Variants in TGM2 observed in about 807,000 individuals in gnomAD.
The protein encoded by TGM2 is transglutaminase 2.
A neutral mutation model predicts 75.6 loss-of-function variants in TGM2; 53 were observed. The ratio of observed to expected loss-of-function variants is 0.70; its 90% CI spans 0.56 to 0.88. The LOEUF (loss-of-function observed/expected upper bound fraction) is 0.88. TGM2 is among the 40% of genes least tolerant of loss of function. The probability of loss-of-function intolerance (pLI) is 0.00; values close to 1 mark genes in which losing one functional copy is unlikely to be tolerated. For synonymous variants in TGM2, 374 were observed against 381.1 expected, an observed-to-expected ratio of 0.98 and a Z score of 0.22; for missense variants, 842 against 928.5, an observed-to-expected ratio of 0.91 and a Z score of 1.21.
At chr20:38,143,347 A>T (rs1242687546) in intron 6 of TGM2, among the ~76,000 whole-genome samples, 2 of 152,174 alleles carry the variant, frequency 1.3e-5, no homozygotes, top group Non-Finnish European at 2.9e-5. Context: ...TAGTGATGCC[A>T]CTGAGGACTC....
chr20:38,163,911 C>T (rs537966438), intron 1 of TGM2, among the ~76,000 whole-genome samples: 9 of 152,248 alleles, frequency 5.9e-5, no homozygotes, highest in East Asian at 5.8e-4. Flanking sequence ...ATCTGTTGTC[C>T]GAAGAAGGGT....
At chr20:38,141,807 C>T (rs1423347305) in intron 7 of TGM2, among the ~76,000 whole-genome samples, 2 of 151,498 alleles carry the variant, frequency 1.3e-5, no homozygotes, top group Non-Finnish European at 2.9e-5. Flanking sequence ...GAGTGACAAC[C>T]TATTGCTTTT....
chr20:38,149,678 C>CAAAAAAAAAAAAAAAAAAAA lies in TGM2; in HGVS notation c.552+1241_552+1260dup, dbSNP rs1199376180. On this transcript the variant is annotated intron_variant, in intron 4 of 12. Coordinates refer to ENST00000361475, the MANE Select transcript of TGM2 (RefSeq NM_004613.4). ...TGGGCAACAGAGCGAGACTCCGCCTCAAAAAAAAAAAAAAAAAAAAAAACA... is the reference window on the plus strand; with the variant it reads ...TGGGCAACAGAGCGAGACTCCGCCTCAAAAAAAAAAAAAAAAAAAAAAAAAAAAAAAAAAAAAAAAAAACA... 8.9e-4 allele frequency among the ~76,000 whole-genome samples: 36 copies of CAAAAAAAAAAAAAAAAAAAA among 40,438 alleles called. 1 individual carries two copies. Among genetic ancestry groups the CAAAAAAAAAAAAAAAAAAAA allele is most frequent in the East Asian group, 1.7e-3 (2 of 1,198 alleles). The allele number at this position is 40,438 out of a possible 152,430, so 26.5% of individuals were successfully genotyped here. A position where few individuals can be genotyped will look rare whatever the true frequency, so the allele number is the denominator to read the frequency against.
chr20:38,130,386 G>T lies in TGM2; in HGVS notation c.1914-17C>A. On this transcript the variant is annotated splice_polypyrimidine_tract_variant and intron_variant, in intron 12 of 12. Transcript: ENST00000361475. ...GGGTCTGGGCTGCAGGGAGAGAGGGGGTGGTGAGGAAAGGGGCCCAAGGCC... is the reference window on the plus strand; with the variant it reads ...GGGTCTGGGCTGCAGGGAGAGAGGGTGTGGTGAGGAAAGGGGCCCAAGGCC... 1 of 1,575,630 alleles carries T rather than the reference G, an allele frequency of 6.3e-7. No individual in the cohort carries two copies. The highest frequency in any genetic ancestry group is 8.6e-7 in the Non-Finnish European group (1 of 1,160,420).
intron 6 of TGM2, among the ~76,000 whole-genome samples, chr20:38,142,937 G>C (rs1482767642): frequency 1.3e-5 from 2 of 152,244 alleles, no homozygotes; most frequent in Admixed American, 1.3e-4. Flanking sequence ...TGCCTGGAAG[G>C]CTGCCTGCCA....
chr20:38,132,481 G>A lies in TGM2; in HGVS notation c.1635C>T (p.Cys545=), dbSNP rs2074846656. ...AGTCACGGTATTTCTCATAGAGGAT[G>A]CAAAGAGGAACGCTCTTCTCTGCAG... The part of the protein sequence containing the change: ...EPFSEKSVPL[C]ILYEKYRDCL... Residue 545 remains cysteine (C), a synonymous_variant, in exon 11 of 13, where the codon TGC becomes TGT. Transcript: ENST00000361475. 1 of 1,614,180 alleles carries A rather than the reference G, an allele frequency of 6.2e-7. No homozygotes were observed. Among genetic ancestry groups the A allele is most frequent in the South Asian group, 1.1e-5 (1 of 91,080 alleles).
intron 3 of TGM2, 149 bp downstream of exon 3, chr20:38,155,697 GT>G: frequency 1.6e-6 from 2 of 1,271,150 alleles, no homozygotes; most frequent in Non-Finnish European, 2.1e-6. Flanking sequence ...TGTCTTGAGG[GT>G]TTTGTGAGGC....
Position 38,161,538 on chromosome 20 carries a change from G to C in TGM2, c.72C>G (p.Ala24=), listed in dbSNP as rs751982579. The C allele has an allele frequency of 1.4e-5, 22 of 1,614,040 alleles. No individual in the cohort carries two copies. In the African/African-American group the frequency reaches 2.4e-4, roughly 18 times the overall value. Residue 24 remains alanine (A), a synonymous_variant, in exon 2 of 13, where the codon GCC becomes GCG. Transcript: ENST00000361475. ...LETNGRDHHT[A]DLCREKLVVR... ...CCACCAGCTTCTCCCGGCACAGGTC[G>C]GCCGTGTGGTGGTCTCGGCCATTGG...
rs779205370 is a variant in TGM2, at chr20:38,165,242, T to TC, written c.-45dup. On this transcript the variant is annotated 5_prime_UTR_variant, in exon 1 of 13. Coordinates refer to ENST00000361475, the MANE Select transcript of TGM2 (RefSeq NM_004613.4). ...GCTCCTTCCACTGGCGGCGAGACCC[T>TC]CCAAGTGCGACCACTGGCGGCTGGC... 6 of 1,611,392 alleles carry TC rather than the reference T, an allele frequency of 3.7e-6. No homozygotes were observed. The South Asian group carries it at 5.5e-5, about 15-fold the overall frequency.
chr20:38,140,130 C>T (rs2074952945), intron 8 of TGM2, among the ~76,000 whole-genome samples: 1 of 152,244 alleles, frequency 6.6e-6, no homozygotes, highest in Admixed American at 6.5e-5. Flanking sequence ...GAGTGGAGCT[C>T]AGTGCCCCGC....
At chr20:38,163,222 A>C (rs1161984166) in intron 1 of TGM2, among the ~76,000 whole-genome samples, 1 of 150,338 alleles carries the variant, frequency 6.7e-6, no homozygotes, top group Non-Finnish European at 1.5e-5. Flanking sequence ...AGGATGGGGA[A>C]GCCCTTAAGG....
intron 10 of TGM2, chr20:38,132,914 T>G: frequency 2.2e-6 from 1 of 453,802 alleles, no homozygotes; most frequent in Non-Finnish European, 4.4e-6. Context: ...CCGCGGGCCC[T>G]TCATCCTGGG....
upstream of TGM2, chr20:38,165,451 C>T (rs2075302454): frequency 1.7e-6 from 1 of 573,080 alleles, no homozygotes; most frequent in Non-Finnish European, 3.1e-6. Flanking sequence ...GACGAGGGCG[C>T]CCCCTGGGGG....
intron 2 of TGM2, among the ~76,000 whole-genome samples, chr20:38,158,243 A>C (rs1456718553): frequency 6.6e-6 from 1 of 152,228 alleles, no homozygotes; most frequent in East Asian, 1.9e-4. Context: ...CCATGCACAC[A>C]CACTCACACA....
intron 10 of TGM2, among the ~76,000 whole-genome samples, chr20:38,137,653 C>G (rs1293703931): frequency 6.6e-6 from 1 of 152,018 alleles, no homozygotes; most frequent in Non-Finnish European, 1.5e-5. Context: ...TTCTTTGAGG[C>G]CGAGAGCAAC....
intron 6 of TGM2, among the ~76,000 whole-genome samples, chr20:38,143,010 T>C (rs1323420279): frequency 6.6e-6 from 1 of 152,252 alleles, no homozygotes; most frequent in East Asian, 1.9e-4. Context: ...CCTTCCAGTG[T>C]ACAGGCATGT....
chr20:38,163,711 G>C (rs573880932), intron 1 of TGM2, among the ~76,000 whole-genome samples: 1 of 152,300 alleles, frequency 6.6e-6, no homozygotes, highest in East Asian at 1.9e-4. Flanking sequence ...GTCGGTCCCC[G>C]TGTAATCACA....
At chr20:38,132,671 G>A (rs771613273) in intron 10 of TGM2, 171 bp from the exon 11 acceptor site, 1 of 891,548 alleles carries the variant, frequency 1.1e-6, no homozygotes, top group South Asian at 1.4e-5. Flanking sequence ...TCCCAGCGAG[G>A]AGCTGGAGAG....
At chr20:38,157,172 C>T (rs1769619033) in intron 2 of TGM2, among the ~76,000 whole-genome samples, 1 of 152,224 alleles carries the variant, frequency 6.6e-6, no homozygotes, top group African/African-American at 2.4e-5. Flanking sequence ...TGCCCACCCA[C>T]CGTGGACATT....
Sources: allele counts gnomAD v4.1 joint callset (sites outside exome capture counted in the v4.1 genomes callset), GRCh38; gene constraint gnomAD v4.1.1; transcripts MANE v1.5; gene names NCBI Gene and HGNC (gene_info 2026-07-23, HGNC 2026-07-21).